Variants in HACL1 observed in about 807,000 individuals in gnomAD.
HACL1 encodes 1600020H07Rik.
A neutral mutation model predicts 74.2 loss-of-function variants in HACL1; 64 were observed. The observed-to-expected ratio is 0.86, with a 90% confidence interval of 0.70 to 1.06. The LOEUF is 1.06. Ranked by LOEUF, HACL1 falls within the 50% of genes least tolerant of loss-of-function variation. The pLI, the probability that HACL1 is intolerant of heterozygous loss-of-function variation, is 0.00. For missense variants in HACL1, 728 were observed against 719.7 expected (o/e 1.01, Z -0.13); for synonymous variants, 230 against 238.8 (o/e 0.96, Z 0.34).
At chr3:15,573,937 T>G (rs1458890250) in intron 10 of HACL1, among the ~76,000 whole-genome samples, 2 of 152,240 alleles carry the variant, frequency 1.3e-5, no homozygotes, top group African/African-American at 4.8e-5. Flanking sequence ...GGTATTGGCA[T>G]CTTCCAGGTA....
rs1046122592 is a variant in HACL1, at chr3:15,567,987, A to C, written c.1266T>G (p.Thr422=). ...CCAAACCAACTCCCATTGTTCCGAA[A>C]GTACCAGCATCAAGCCTGTTGGAGA... ...YLPRHRLDAG[T]FGTMGVGLGF... is the part of the protein sequence containing the mutation. The change falls in exon 14 of 17, where the codon ACT becomes ACG. Residue 422 remains threonine (T), a synonymous_variant. Coordinates refer to ENST00000321169, the MANE Select transcript of HACL1 (RefSeq NM_012260.4). 4 of 1,614,194 alleles carry C rather than the reference A, an allele frequency of 2.5e-6. No homozygotes were observed. The highest frequency in any genetic ancestry group is 3.4e-6 in the Non-Finnish European group (4 of 1,180,004).
Position 15,563,350 on chromosome 3 carries a change from G to C in HACL1, c.1704+8C>G, listed in dbSNP as rs1262645946. ...ATTTCTTGCTTTCTGCTTAGCAACT[G>C]TATTTACCTGGGCCTTCCGTGTGGC... On this transcript the variant is annotated splice_region_variant and intron_variant, in intron 16 of 16. Coordinates refer to ENST00000321169, the MANE Select transcript of HACL1 (RefSeq NM_012260.4). The C allele has an allele frequency of 6.2e-7, 1 of 1,602,488 alleles. No individual in the cohort carries two copies. The highest frequency in any genetic ancestry group is 8.5e-7 in the Non-Finnish European group (1 of 1,170,580).
chr3:15,593,374 C>T (rs1178712611), intron 3 of HACL1, among the ~76,000 whole-genome samples: 4 of 151,854 alleles, frequency 2.6e-5, no homozygotes, highest in Admixed American at 6.6e-5. Flanking sequence ...CCACCACACC[C>T]GGCTAATTTT....
chr3:15,586,480 G>T, intron 6 of HACL1, 45 bp downstream of exon 6: 1 of 1,022,188 alleles, frequency 9.8e-7, no homozygotes, highest in African/African-American at 1.6e-5. Context: ...ATGAGCAACT[G>T]AGAAAAATCA....
Position 15,570,952 on chromosome 3 carries a change from CA to C in HACL1, c.1095+715del, listed in dbSNP as rs1180555257. 2.5e-3 allele frequency among the ~76,000 whole-genome samples: 324 copies of C among 131,376 alleles called. 2 individuals carry two copies. The highest frequency in any genetic ancestry group is 2.5e-3 in the Non-Finnish European group (154 of 60,746). 86.2% of individuals were successfully genotyped at this position (131,376 alleles called of 152,430 possible). On this transcript the variant is annotated intron_variant, in intron 12 of 16. Transcript: ENST00000321169. ...CATCTCAACCCAAGATTTAAGGATT[CA>C]AAAAAAAAAAAACCACTTAATAGTT...
intron 10 of HACL1, among the ~76,000 whole-genome samples, chr3:15,574,162 T>C (rs1045792523): frequency 2.0e-5 from 3 of 152,118 alleles, no homozygotes; most frequent in Non-Finnish European, 2.9e-5. Context: ...GCCAGGAGAA[T>C]TGCTGAGACC....
At chr3:15,584,768 C>G (rs892129291) in intron 7 of HACL1, among the ~76,000 whole-genome samples, 4 of 152,060 alleles carry the variant, frequency 2.6e-5, no homozygotes, top group Non-Finnish European at 4.4e-5. Context: ...GTGAAAAATG[C>G]TTTTTGTACT....
At chr3:15,596,823 C>T (rs73030385) in intron 2 of HACL1, among the ~76,000 whole-genome samples, 14,895 of 151,900 alleles carry the variant, frequency 0.098, 982 homozygotes, top group East Asian at 0.37. Flanking sequence ...GTTGGTTTTT[C>T]TCTATTGTTT....
At position 15,560,899 on chromosome 3, in the gene HACL1, T is replaced by C. The variant is rs756428398; in HGVS notation, c.1705-2A>G. 1.1e-5 allele frequency: 17 copies of C among 1,601,298 alleles called. No individual in the cohort carries two copies. Among genetic ancestry groups the C allele is most frequent in the East Asian group, 2.2e-5 (1 of 44,746 alleles). On this transcript the variant is annotated splice_acceptor_variant, in intron 16 of 16. Transcript: ENST00000321169. LOFTEE classifies it high-confidence loss of function. The stretch of plus-strand genomic sequence containing the variant: ...AGAGCGGGTCAGCCAATGAAAATCC[T>C]AGAAAAAGAAGACAACAAACATTCA...
chr3:15,593,303 T>C (rs1422798269), intron 3 of HACL1, among the ~76,000 whole-genome samples: 2 of 151,762 alleles, frequency 1.3e-5, no homozygotes, highest in Non-Finnish European at 2.9e-5. Context: ...AGCCTCAACC[T>C]CCTAAGCTCA....
At chr3:15,565,422 C>T (rs1216274796) in intron 14 of HACL1, among the ~76,000 whole-genome samples, 23 of 152,220 alleles carry the variant, frequency 1.5e-4, no homozygotes, top group Admixed American at 1.5e-3. Flanking sequence ...GTAACTAGCA[C>T]ACACAATCTG....
chr3:15,592,219 T>TGTATACATACGTATATAC (rs1266023757), intron 3 of HACL1, among the ~76,000 whole-genome samples: 3 of 150,520 alleles, frequency 2.0e-5, no homozygotes, highest in Non-Finnish European at 4.4e-5. Context: ...CGTGTATATA[T>TGTATACATACGTATATAC]GTATACATAC....
chr3:15,597,856 T>A (rs982284321), intron 2 of HACL1, among the ~76,000 whole-genome samples: 7 of 152,070 alleles, frequency 4.6e-5, no homozygotes, highest in East Asian at 1.9e-4. Flanking sequence ...AAGAACACTT[T>A]ATTTAGACAC....
At chr3:15,566,671 C>T (rs1225919088) in intron 14 of HACL1, among the ~76,000 whole-genome samples, 2 of 151,556 alleles carry the variant, frequency 1.3e-5, no homozygotes, top group Non-Finnish European at 2.9e-5. Context: ...AAAAAAACTG[C>T]TTGGATTACC....
chr3:15,563,418 G>A lies in HACL1; in HGVS notation c.1644C>T (p.Asp548=). ...LQKSLRQSLA[D]TTKPSLINIM... is the part of the protein sequence containing the mutation. ...TGTTGATAAGAGAAGGTTTAGTTGT[G>A]TCTGCTAGGCTCTGCCTCAGGGATT... Residue 548 remains aspartate, a synonymous_variant, in exon 16 of 17, where the codon GAC becomes GAT. Transcript: ENST00000321169. The A allele has an allele frequency of 6.2e-7, 1 of 1,613,468 alleles. No homozygotes were observed. Among genetic ancestry groups the A allele is most frequent in the South Asian group, 1.1e-5 (1 of 91,066 alleles).
At chr3:15,580,115 T>C (rs2063695897) in intron 8 of HACL1, 70 bp from the exon 9 acceptor site, 5 of 1,255,454 alleles carry the variant, frequency 4.0e-6, no homozygotes, top group South Asian at 1.3e-5. Context: ...AAAAAGTTCA[T>C]GTGAAATTGC....
chr3:15,573,968 A>C (rs2063579118), intron 10 of HACL1, among the ~76,000 whole-genome samples: 1 of 152,214 alleles, frequency 6.6e-6, no homozygotes, highest in South Asian at 2.1e-4. Context: ...GTTTGTCTGC[A>C]GTTTTAGTTC....
chr3:15,599,511 A>T (rs531035751), intron 2 of HACL1, among the ~76,000 whole-genome samples: 23 of 96,888 alleles, frequency 2.4e-4, no homozygotes, highest in Admixed American at 2.0e-3. Context: ...GCCTACTGTT[A>T]AAAAAAAAAA....
At chr3:15,593,142 T>TAC (rs774409535) in intron 3 of HACL1, among the ~76,000 whole-genome samples, 1 of 149,006 alleles carries the variant, frequency 6.7e-6, no homozygotes, top group African/African-American at 2.5e-5. Flanking sequence ...TATATGTATA[T>TAC]ATACACACAT....
Sources: allele counts gnomAD v4.1 joint callset (sites outside exome capture counted in the v4.1 genomes callset), GRCh38; gene constraint gnomAD v4.1.1; transcripts MANE v1.5; gene names NCBI Gene and HGNC (gene_info 2026-07-23, HGNC 2026-07-21).